GLRA3: variants seen among roughly 807,000 people sequenced by gnomAD.
GLRA3 encodes the protein glycine receptor alpha 3.
GLRA3 carries 44 observed loss-of-function variants against 60.4 expected under a neutral mutation model. The observed-to-expected ratio is 0.73, with a 90% CI of 0.57 to 0.94. The LOEUF is 0.94. GLRA3 is among the 40% of genes least tolerant of loss of function. GLRA3 has a pLI of 0.00. For missense variants in GLRA3, 508 were observed against 564.6 expected (o/e 0.90, Z 1.02); for synonymous variants, 223 against 192.9 (o/e 1.16, Z -1.29).
chr4:174,766,060 T>C (rs1738131183), intron 3 of GLRA3, among the ~76,000 whole-genome samples: 1 of 151,814 alleles, frequency 6.6e-6, no homozygotes, highest in Non-Finnish European at 1.5e-5. Flanking sequence ...AATTTGCATA[T>C]TAGATTGTTT....
rs1443368704 is a variant in GLRA3 at position 174,728,614 on chromosome 4, G to A, written c.352C>T (p.Leu118Phe). 1.9e-6 allele frequency: 3 copies of A among 1,612,146 alleles called. No homozygotes were observed. Among genetic ancestry groups the A allele is most frequent in the Middle Eastern group, 1.6e-4 (1 of 6,080 alleles). ...YSEYPDDSLD[L>F]DPSMLDSIWK... is the part of the protein sequence containing the mutation. ...ATGGAGTCCAACATGGAGGGGTCGA[G>A]GTCTAAAGAGTCGTCAGGATATTCA... The change falls in exon 4 of 10, where the codon CTC becomes TTC. Residue 118 changes from leucine to phenylalanine, a missense_variant. By Grantham distance (22) the Leu-to-Phe change is conservative (BLOSUM62 0). Transcript: ENST00000274093.
intron 1 of GLRA3, among the ~76,000 whole-genome samples, chr4:174,792,901 A>G (rs945715894): frequency 6.6e-6 from 1 of 152,106 alleles, no homozygotes; most frequent in Non-Finnish European, 1.5e-5. Context: ...CAGGTTGTGG[A>G]CTTTTCCTGT....
At chr4:174,743,169 G>C (rs1440504603) in intron 3 of GLRA3, among the ~76,000 whole-genome samples, 1 of 152,042 alleles carries the variant, frequency 6.6e-6, no homozygotes, top group African/African-American at 2.4e-5. Context: ...ATTCATAGTA[G>C]TTTTTGAAAC....
chr4:174,748,182 G>A (rs184777618), intron 3 of GLRA3, among the ~76,000 whole-genome samples: 1 of 152,254 alleles, frequency 6.6e-6, no homozygotes, highest in African/African-American at 2.4e-5. Flanking sequence ...GGAAGGAGTG[G>A]CCAGAGAGTC....
intron 2 of GLRA3, among the ~76,000 whole-genome samples, chr4:174,778,598 G>A (rs1214875881): frequency 1.3e-5 from 2 of 152,182 alleles, no homozygotes; most frequent in Admixed American, 6.5e-5. Context: ...CCAGACAGTG[G>A]GCGCAGGTCA....
chr4:174,733,252 A>G (rs1156448940), intron 3 of GLRA3, among the ~76,000 whole-genome samples: 1 of 152,206 alleles, frequency 6.6e-6, no homozygotes, highest in African/African-American at 2.4e-5. Context: ...GAAGGAACAC[A>G]GCCCTGTAGA....
chr4:174,660,214 C>G (rs1733383682), intron 7 of GLRA3, among the ~76,000 whole-genome samples: 1 of 152,068 alleles, frequency 6.6e-6, no homozygotes, highest in Non-Finnish European at 1.5e-5. Context: ...CACCAATTGT[C>G]TCAAGAATGC....
chr4:174,780,945 A>T (rs546293548), intron 2 of GLRA3, among the ~76,000 whole-genome samples: 5 of 152,336 alleles, frequency 3.3e-5, no homozygotes, highest in African/African-American at 9.6e-5. Context: ...AATTGAACTC[A>T]GCTCTGCACC....
Position 174,677,231 on chromosome 4 carries a change from G to A in GLRA3, c.774C>T (p.Ile258=). The A allele has an allele frequency of 6.2e-7, 1 of 1,612,666 alleles. No homozygotes were observed. Residue 258 remains isoleucine (I), a synonymous_variant, in exon 7 of 10, where the codon ATC becomes ATT. Transcript: ENST00000274093. Reference sequence around the variant, plus strand: ...TCAGGAGACTGGGAATGTACATCTGGATCAGATAGTATCCCATTTGTCGCT... The same window carrying A: ...TCAGGAGACTGGGAATGTACATCTGAATCAGATAGTATCCCATTTGTCGCT... ...HLERQMGYYL[I]QMYIPSLLIV...
intron 4 of GLRA3, among the ~76,000 whole-genome samples, chr4:174,725,590 C>T (rs762450269): frequency 2.5e-4 from 38 of 152,254 alleles, no homozygotes; most frequent in Middle Eastern, 6.8e-3. Flanking sequence ...AAGAGATCCT[C>T]CCACCTTAGT....
chr4:174,654,381 A>G (rs1733122863), intron 9 of GLRA3, among the ~76,000 whole-genome samples: 1 of 152,162 alleles, frequency 6.6e-6, no homozygotes, highest in South Asian at 2.1e-4. Context: ...AAGTTTGTGT[A>G]CAGATGGTCA....
At chr4:174,826,131 T>A (rs1740956759) in intron 1 of GLRA3, among the ~76,000 whole-genome samples, 1 of 152,042 alleles carries the variant, frequency 6.6e-6, no homozygotes. Context: ...CCACAAAAGA[T>A]GTTCAATGAT....
At chr4:174,802,649 A>T (rs1739862633) in intron 1 of GLRA3, among the ~76,000 whole-genome samples, 1 of 152,068 alleles carries the variant, frequency 6.6e-6, no homozygotes, top group East Asian at 1.9e-4. Context: ...TGTCTCAGTG[A>T]TTGGCTTTCT....
chr4:174,729,591 A>C (rs539975282), intron 3 of GLRA3, among the ~76,000 whole-genome samples: 4 of 152,238 alleles, frequency 2.6e-5, no homozygotes, highest in Non-Finnish European at 5.9e-5. Context: ...ACTAACGCGT[A>C]GAATGACAAA....
intron 3 of GLRA3, among the ~76,000 whole-genome samples, chr4:174,750,511 C>T (rs1383971801): frequency 1.3e-5 from 2 of 151,798 alleles, no homozygotes; most frequent in Non-Finnish European, 2.9e-5. Context: ...GCCCATTTAC[C>T]AAGGGATTAA....
At position 174,709,442 on chromosome 4, in the gene GLRA3, G is replaced by C. The variant is rs1400966779; in HGVS notation, c.574+6046C>G. Among the ~76,000 whole-genome samples, 3 of 151,932 alleles carry C rather than the reference G, an allele frequency of 2.0e-5. No individual in the cohort carries two copies. The East Asian group carries it at 5.8e-4, about 29-fold the overall frequency. ...TTTTGAGAATAAAGTGTGAATTTTG[G>C]ATATGCATATTGTCATGGGAACTGG... is the stretch of plus-strand genomic sequence containing the variant. On this transcript the variant is annotated intron_variant, in intron 5 of 9. Transcript: ENST00000274093.
At chr4:174,748,318 G>T (rs1217431899) in intron 3 of GLRA3, among the ~76,000 whole-genome samples, 1 of 152,148 alleles carries the variant, frequency 6.6e-6, no homozygotes, top group Admixed American at 6.6e-5. Flanking sequence ...TGTTGTTATT[G>T]AATACTTTGG....
At chr4:174,727,203 G>A (rs1334176550) in intron 4 of GLRA3, among the ~76,000 whole-genome samples, 2 of 151,976 alleles carry the variant, frequency 1.3e-5, no homozygotes, top group Non-Finnish European at 2.9e-5. Flanking sequence ...AGCAGACATG[G>A]GATAAAGCAT....
At chr4:174,795,542 A>C (rs1739529030) in intron 1 of GLRA3, among the ~76,000 whole-genome samples, 1 of 152,184 alleles carries the variant, frequency 6.6e-6, no homozygotes, top group Non-Finnish European at 1.5e-5. Flanking sequence ...AACTGTTTTT[A>C]AAGTACAATA....
Sources: allele counts gnomAD v4.1 joint callset (sites outside exome capture counted in the v4.1 genomes callset), GRCh38; gene constraint gnomAD v4.1.1; transcripts MANE v1.5; gene names NCBI Gene and HGNC (gene_info 2026-07-23, HGNC 2026-07-21).